Variants in TUBB observed in about 807,000 individuals in gnomAD.
The protein encoded by TUBB is tubulin beta class I, also known as tubulin beta chain.
A neutral mutation model predicts 35.1 loss-of-function variants in TUBB; 2 were observed. The ratio of observed to expected loss-of-function variants is 0.06; its 90% CI spans 0.02 to 0.18. The LOEUF is 0.18. Ranked by LOEUF, TUBB falls within the 10% of genes least tolerant of loss-of-function variation. The probability of loss-of-function intolerance (pLI) is 1.00; values close to 1 mark genes in which losing one functional copy is unlikely to be tolerated. For synonymous variants in TUBB, 205 were observed against 223.8 expected, an observed-to-expected ratio of 0.92 and a Z score of 0.75; for missense variants, 50 against 599.4, an observed-to-expected ratio of 0.08 and a Z score of 9.57.
rs770041203 is a variant in TUBB, at chr6:30,722,910, C to A, written c.167-8C>A. On this transcript the variant is annotated splice_region_variant and splice_polypyrimidine_tract_variant and intron_variant, in intron 2 of 3. Transcript: ENST00000327892. ...AGATTTCACAGCTCTTAACTTTATT[C>A]TCTGTAGGTGGCAAATATGTTCCTC... is the stretch of plus-strand genomic sequence containing the variant. The A allele has an allele frequency of 1.0e-5, 16 of 1,607,722 alleles. No individual in the cohort carries two copies. The highest frequency in any genetic ancestry group is 1.3e-5 in the African/African-American group (1 of 74,692).
In TUBB at chr6:30,725,188, G is replaced by A. The variant is rs8233; in HGVS notation, c.*791G>A. On this transcript the variant is annotated 3_prime_UTR_variant, in exon 4 of 4. Coordinates refer to ENST00000327892, the MANE Select transcript of TUBB (RefSeq NM_178014.4). ...AAGAATGAACACCCCTGACTCTGGA[G>A]TGGTGTATACTGCCACATCAGTGTT... 39,498 of 159,754 alleles carry A rather than the reference G, an allele frequency of 0.25. 6,294 individuals carry two copies. Among genetic ancestry groups the A allele is most frequent in the African/African-American group, 0.45 (18,765 of 41,464 alleles). The allele number at this position is 159,754 out of a possible 1,614,324, so 9.9% of individuals were successfully genotyped here.
chr6:30,721,289 G>A (rs961768785), intron 1 of TUBB, among the ~76,000 whole-genome samples: 5 of 152,090 alleles, frequency 3.3e-5, no homozygotes, highest in Admixed American at 1.3e-4. Flanking sequence ...TAAATCAAGG[G>A]GTAGAAATGT....
At chr6:30,721,767 G>C in intron 1 of TUBB, 4 of 985,338 alleles carry the variant, frequency 4.1e-6, no homozygotes, top group Non-Finnish European at 4.8e-6. Context: ...CACATATCCA[G>C]AGCAGGGAAA....
intron 1 of TUBB, 52 bp from the exon 2 acceptor site, chr6:30,722,485 C>T: frequency 8.3e-7 from 1 of 1,206,528 alleles, no homozygotes. Flanking sequence ...TAGTTGGGGA[C>T]ATAGTTGGCT....
rs149652039 is a variant in TUBB at position 30,722,644 on chromosome 6, A to G, written c.165A>G (p.Thr55=). Residue 55 remains threonine, a splice_region_variant and synonymous_variant, in exon 2 of 4, where the codon ACA becomes ACG. Transcript: ENST00000327892. ...TCTCTGTGTACTACAATGAAGCCAC[A>G]GGTAAGGGCAGGAGCCCGGGCAGCT... The part of the protein sequence containing the change: ...DRISVYYNEA[T]GGKYVPRAIL... The G allele has an allele frequency of 1.7e-5, 27 of 1,613,206 alleles. No homozygotes were observed. In the African/African-American group the frequency reaches 3.5e-4, roughly 21 times the overall value.
intron 1 of TUBB, chr6:30,721,422 G>A: frequency 3.2e-6 from 1 of 313,128 alleles, no homozygotes; most frequent in Non-Finnish European, 4.6e-6. Context: ...GCGGGGCCCT[G>A]CGGGGCGGGG....
chr6:30,720,603 A>C (rs1468901166), intron 1 of TUBB, 40 bp downstream of exon 1: 3 of 1,585,792 alleles, frequency 1.9e-6, no homozygotes, highest in Non-Finnish European at 2.6e-6. Context: ...TTTACAAGGA[A>C]AAATCCAGGT....
chr6:30,722,377 A>C, intron 1 of TUBB, 160 bp from the exon 2 acceptor site: 2 of 606,238 alleles, frequency 3.3e-6, no homozygotes, highest in Non-Finnish European at 6.0e-6. Context: ...CGGGAAGCAG[A>C]GGTTGCAGTG....
intron 1 of TUBB, chr6:30,722,317 C>A: frequency 1.9e-6 from 1 of 537,792 alleles, no homozygotes; most frequent in Non-Finnish European, 3.3e-6. Flanking sequence ...TTGGTGCGCG[C>A]CTATAGTCCC....
chr6:30,723,290 T>C (rs575567923), intron 3 of TUBB, 50 bp from the exon 4 acceptor site: 3 of 1,403,856 alleles, frequency 2.1e-6, no homozygotes, highest in East Asian at 4.6e-5. Flanking sequence ...GGAAACATCA[T>C]GTATCTTCCA....
rs754476107 is a variant in TUBB, at chr6:30,722,590, C to T, written c.111C>T (p.His37=). The T allele has an allele frequency of 4.3e-6, 7 of 1,614,140 alleles. No homozygotes were observed. Among genetic ancestry groups the T allele is most frequent in the Non-Finnish European group, 5.1e-6 (6 of 1,180,030 alleles). ...EHGIDPTGTY[H]GDSDLQLDRI... is the part of the protein sequence containing the mutation. ...GCATCGACCCCACCGGCACCTACCA[C>T]GGGGACAGCGACCTGCAGCTGGACC... The change falls in exon 2 of 4, where the codon CAC becomes CAT. Residue 37 remains histidine (H), a synonymous_variant. Transcript: ENST00000327892.
chr6:30,721,614 G>C, intron 1 of TUBB: 1 of 985,408 alleles, frequency 1.0e-6, no homozygotes, highest in South Asian at 4.7e-5. Context: ...GGGGGTGGTC[G>C]ACTGCGGCGG....
At chr6:30,722,319 T>G in intron 1 of TUBB, 1 of 541,956 alleles carries the variant, frequency 1.8e-6, no homozygotes, top group South Asian at 2.2e-5. Context: ...GGTGCGCGCC[T>G]ATAGTCCCAG....
chr6:30,722,898 CTTAACT>C lies in TUBB; in HGVS notation c.167-16_167-11del. ...TTCCCTTCTGCCAGATTTCACAGCT[CTTAACT>C]TTATTCTCTGTAGGTGGCAAATATG... On this transcript the variant is annotated splice_polypyrimidine_tract_variant and intron_variant, in intron 2 of 3. Coordinates refer to ENST00000327892, the MANE Select transcript of TUBB (RefSeq NM_178014.4). 6.3e-7 allele frequency: 1 copy of C among 1,598,754 alleles called. No homozygotes were observed. The highest frequency in any genetic ancestry group is 1.3e-5 in the African/African-American group (1 of 74,518).
At chr6:30,722,144 C>T in intron 1 of TUBB, 1 of 232,656 alleles carries the variant, frequency 4.3e-6, no homozygotes. Context: ...CAGGAAGACC[C>T]TGTCTTAAAA....
chr6:30,723,297 T>A, intron 3 of TUBB, 43 bp from the exon 4 acceptor site: 1 of 1,468,740 alleles, frequency 6.8e-7, no homozygotes, highest in Non-Finnish European at 9.3e-7. Context: ...TCATGTATCT[T>A]CCATACCCTG....
chr6:30,722,843 T>G (rs1013790698), intron 2 of TUBB, 75 bp from the exon 3 acceptor site: 20 of 1,325,380 alleles, frequency 1.5e-5, no homozygotes, highest in Non-Finnish European at 2.1e-5. Context: ...TGATCCCTGC[T>G]GTCTCCCATT....
At chr6:30,721,920 C>G (rs114770737) in intron 1 of TUBB, 13,610 of 983,932 alleles carry the variant, frequency 0.014, 130 homozygotes, top group Middle Eastern at 0.057. Flanking sequence ...GGGATCCCTC[C>G]AGGTCAGGGG....
At position 30,723,611 on chromosome 6, in the gene TUBB, C is replaced by T. The variant is rs748189003; in HGVS notation, c.549C>T (p.Tyr183=). The change falls in exon 4 of 4, where the codon TAC becomes TAT. Residue 183 remains tyrosine, a synonymous_variant. Transcript: ENST00000327892. ...PKVSDTVVEP[Y]NATLSVHQLV... is the part of the protein sequence containing the mutation. ...TGTCTGACACCGTGGTCGAGCCCTACAATGCCACCCTCTCCGTCCATCAGT... is the reference window on the plus strand; with the variant it reads ...TGTCTGACACCGTGGTCGAGCCCTATAATGCCACCCTCTCCGTCCATCAGT... 18 of 1,614,244 alleles carry T rather than the reference C, an allele frequency of 1.1e-5. No individual in the cohort carries two copies. Among genetic ancestry groups the T allele is most frequent in the Non-Finnish European group, 1.4e-5 (17 of 1,180,036 alleles).
Sources: gnomAD v4.1 joint callset for allele counts (sites outside exome capture counted in the v4.1 genomes callset) on GRCh38, gnomAD v4.1.1 for gene constraint, MANE v1.5 for transcripts, NCBI Gene and HGNC (gene_info 2026-07-23, HGNC 2026-07-21) for gene names.